The following SCAPER variants were observed in gnomAD, a reference collection of about 807,000 sequenced individuals.
The protein encoded by SCAPER is S phase cyclin A-associated protein in the endoplasmic reticulum.
In SCAPER, 98 loss-of-function variants were observed where a neutral mutation model predicts 182.2. The ratio of observed to expected loss-of-function variants is 0.54; its 90% CI spans 0.46 to 0.64. The LOEUF (loss-of-function observed/expected upper bound fraction) is 0.64. Among genes scored for constraint, SCAPER ranks in the 30% least tolerant of loss-of-function variants. SCAPER has a pLI of 0.00. For missense variants in SCAPER, 1,432 were observed against 1,690.0 expected, an observed-to-expected ratio of 0.85 and a Z score of 2.68; for synonymous variants, 605 against 564.6, an observed-to-expected ratio of 1.07 and a Z score of -1.01.
Position 76,559,211 on chromosome 15 carries a change from T to A in SCAPER, c.2838+14947A>T, listed in dbSNP as rs1397032105. The stretch of plus-strand genomic sequence containing the variant: ...CACCACACCCAGCTAATTTTTTTTT[T>A]TTTTTTTTTTTTTTTGGTATTTTTA... On this transcript the variant is annotated intron_variant, in intron 23 of 31. Coordinates refer to ENST00000563290, the MANE Select transcript of SCAPER (RefSeq NM_020843.4). 1.9e-3 allele frequency among the ~76,000 whole-genome samples: 271 copies of A among 146,114 alleles called. 1 individual carries two copies. The highest frequency in any genetic ancestry group is 4.5e-3 in the South Asian group (21 of 4,648).
intron 14 of SCAPER, among the ~76,000 whole-genome samples, chr15:76,763,386 A>C (rs1449705390): frequency 2.0e-5 from 3 of 151,692 alleles, no homozygotes; most frequent in Admixed American, 1.3e-4. Context: ...GTATGAGATG[A>C]GTTGCCTTTC....
chr15:76,594,681 T>C lies in SCAPER; in HGVS notation c.2712-20397A>G, dbSNP rs1439741780. On this transcript the variant is annotated intron_variant, in intron 22 of 31. Transcript: ENST00000563290. ...GAGTAGGGGCCAATACTCAACATTA[T>C]TAAAGAAAAGAATTTTCAACCCAGA... Among the ~76,000 whole-genome samples, 5 of 121,450 alleles carry C rather than the reference T, an allele frequency of 4.1e-5. 2 individuals carry two copies. The highest frequency in any genetic ancestry group is 8.0e-5 in the Non-Finnish European group (4 of 50,072). The allele number at this position is 121,450 out of a possible 152,430, so 79.7% of individuals were successfully genotyped here.
At chr15:76,832,670 A>C (rs951476192) in intron 5 of SCAPER, among the ~76,000 whole-genome samples, 4 of 152,102 alleles carry the variant, frequency 2.6e-5, no homozygotes, top group South Asian at 2.1e-4. Flanking sequence ...ATCCTTTATG[A>C]ACGGCTTAGC....
At chr15:76,436,745 T>C (rs1208463807) in intron 25 of SCAPER, among the ~76,000 whole-genome samples, 1 of 152,246 alleles carries the variant, frequency 6.6e-6, no homozygotes, top group East Asian at 1.9e-4. Flanking sequence ...GATTGATGAA[T>C]GAATATATCA....
At chr15:76,812,483 G>GAAAAA (rs59087455) in intron 5 of SCAPER, among the ~76,000 whole-genome samples, 1 of 101,778 alleles carries the variant, frequency 9.8e-6, no homozygotes, top group Non-Finnish European at 2.0e-5. Flanking sequence ...GTGAGACTCT[G>GAAAAA]AAAAAAAAAA....
chr15:76,555,066 C>A (rs919831975), intron 23 of SCAPER, among the ~76,000 whole-genome samples: 1 of 152,054 alleles, frequency 6.6e-6, no homozygotes, highest in African/African-American at 2.4e-5. Flanking sequence ...CAGGTGTGAG[C>A]CACTGCACCC....
chr15:76,826,034 C>G (rs2067984207), intron 5 of SCAPER, among the ~76,000 whole-genome samples: 1 of 152,208 alleles, frequency 6.6e-6, no homozygotes, highest in African/African-American at 2.4e-5. Context: ...GCGTGAGCCT[C>G]CGTGCCTGGC....
At chr15:76,358,620 G>A (rs1449401201) in intron 29 of SCAPER, among the ~76,000 whole-genome samples, 1 of 152,132 alleles carries the variant, frequency 6.6e-6, no homozygotes, top group Non-Finnish European at 1.5e-5. Flanking sequence ...CCTTTTATAA[G>A]GCCATCAGTC....
intron 25 of SCAPER, among the ~76,000 whole-genome samples, chr15:76,466,665 A>C (rs540871277): frequency 1.3e-5 from 2 of 151,130 alleles, no homozygotes; most frequent in African/African-American, 4.9e-5. Flanking sequence ...TGCACTTGAC[A>C]AAAAAAGCCA....
intron 1 of SCAPER, among the ~76,000 whole-genome samples, chr15:76,903,712 A>C (rs986060612): frequency 1.3e-5 from 2 of 152,224 alleles, no homozygotes; most frequent in African/African-American, 4.8e-5. Context: ...CCAAAGACAC[A>C]TAGAGTATAT....
At chr15:76,489,436 C>T (rs1055407762) in intron 24 of SCAPER, among the ~76,000 whole-genome samples, 33 of 151,620 alleles carry the variant, frequency 2.2e-4, no homozygotes, top group Admixed American at 1.7e-3. Context: ...CCCTTGCTGT[C>T]TTCTTTCTAG....
chr15:76,353,699 A>G (rs748660884), intron 30 of SCAPER, among the ~76,000 whole-genome samples: 11 of 152,226 alleles, frequency 7.2e-5, no homozygotes, highest in Non-Finnish European at 1.2e-4. Context: ...ACGGGTTACC[A>G]TTTCATTAAC....
At chr15:76,605,368 G>A (rs2050293855) in intron 22 of SCAPER, among the ~76,000 whole-genome samples, 1 of 152,166 alleles carries the variant, frequency 6.6e-6, no homozygotes, top group Non-Finnish European at 1.5e-5. Context: ...TCCCAGGGAT[G>A]AATCCCACTT....
chr15:76,491,008 C>CAG (rs959865147), intron 24 of SCAPER, among the ~76,000 whole-genome samples: 1 of 152,006 alleles, frequency 6.6e-6, no homozygotes, highest in Non-Finnish European at 1.5e-5. Context: ...CTAGAAGAGG[C>CAG]AGAGAGAGCC....
At chr15:76,837,238 A>C (rs1296182153) in intron 5 of SCAPER, among the ~76,000 whole-genome samples, 1 of 152,218 alleles carries the variant, frequency 6.6e-6, no homozygotes, top group African/African-American at 2.4e-5. Flanking sequence ...GGACATGGAC[A>C]CTTCTCAAAC....
At chr15:76,659,010 G>A (rs895164720) in intron 21 of SCAPER, among the ~76,000 whole-genome samples, 4 of 152,076 alleles carry the variant, frequency 2.6e-5, no homozygotes, top group African/African-American at 9.7e-5. Flanking sequence ...ACAGGACCTG[G>A]TAAATATTTC....
At chr15:76,661,574 TAAA>T (rs897856641) in intron 21 of SCAPER, among the ~76,000 whole-genome samples, 1 of 151,878 alleles carries the variant, frequency 6.6e-6, no homozygotes, top group African/African-American at 2.4e-5. Flanking sequence ...AAACATATAT[TAAA>T]AAAAGGTCAA....
Position 76,434,289 on chromosome 15 carries a change from T to C in SCAPER, c.3100A>G (p.Asn1034Asp), listed in dbSNP as rs1338392302. Reference sequence around the variant, plus strand: ...TTTGTATTTCTCCCCAAAATAGTATTATTTTCATCTGGAACATAAACCTAG... The same window carrying C: ...TTTGTATTTCTCCCCAAAATAGTATCATTTTCATCTGGAACATAAACCTAG... ...QLTVYVPDEN[N>D]TILGRNTNKQ... The change falls in exon 26 of 32, where the codon AAT (asparagine) becomes GAT (aspartate). Residue 1034 changes from asparagine to aspartate, a missense_variant. Physicochemically the swap from Asn to Asp is conservative, Grantham distance 23. Transcript: ENST00000563290. The C allele has an allele frequency of 1.9e-6, 3 of 1,609,972 alleles. No individual in the cohort carries two copies. In the African/African-American group the frequency reaches 4.0e-5, roughly 22 times the overall value.
At position 76,540,775 on chromosome 15, in the gene SCAPER, G is replaced by A. The variant is rs1258014883; in HGVS notation, c.2838+33383C>T. On this transcript the variant is annotated intron_variant, in intron 23 of 31. Transcript: ENST00000563290. ...TTGTAAACCTAAATGTAAAATACCG[G>A]ATTAGCCCAATAAATTATAGTATCC... Among the ~76,000 whole-genome samples the A allele has an allele frequency of 2.0e-5, 3 of 151,782 alleles. No homozygotes were observed. In the East Asian group the frequency reaches 5.8e-4, roughly 29 times the overall value.
Sources: gnomAD v4.1 joint callset for allele counts (sites outside exome capture counted in the v4.1 genomes callset) on GRCh38, gnomAD v4.1.1 for gene constraint, MANE v1.5 for transcripts, NCBI Gene and HGNC (gene_info 2026-07-23, HGNC 2026-07-21) for gene names.